The following RSF1 variants were observed in gnomAD, a reference collection of about 807,000 sequenced individuals.
RSF1 encodes HBV pX-associated protein 8.
A neutral mutation model predicts 145.2 loss-of-function variants in RSF1; 13 were observed. The ratio of observed to expected loss-of-function variants is 0.09; its 90% CI spans 0.06 to 0.14. The LOEUF (loss-of-function observed/expected upper bound fraction) is 0.14. RSF1 is among the 10% of genes least tolerant of loss of function. The pLI is 1.00. For missense variants in RSF1, 1,517 were observed against 1,718.2 expected (o/e 0.88, Z 2.07); for synonymous variants, 577 against 592.6 (o/e 0.97, Z 0.38).
chr11:77,746,745 T>G (rs929099746), intron 3 of RSF1, among the ~76,000 whole-genome samples: 1 of 152,174 alleles, frequency 6.6e-6, no homozygotes, highest in Non-Finnish European at 1.5e-5. Flanking sequence ...TATCCACAGT[T>G]TACAGTATAT....
chr11:77,781,356 T>C (rs1295969508), intron 1 of RSF1, among the ~76,000 whole-genome samples: 1 of 152,186 alleles, frequency 6.6e-6, no homozygotes, highest in East Asian at 1.9e-4. Flanking sequence ...ACCTCAGCCT[T>C]GCAAAATGTT....
rs939578930 is a variant in RSF1, at chr11:77,820,636, A to G, written c.79T>C (p.Cys27Arg). The change falls in exon 1 of 16, where the codon TGC becomes CGC. Residue 27 changes from cysteine (C) to arginine (R), a missense_variant. Cys to Arg is a radical substitution (Grantham distance 180). This residue lies in a region of RSF1 where 85 missense variants were observed against 91.8 expected (regional missense o/e 0.93). Transcript: ENST00000308488. ...GGCCCGTAGCGCTCCAAGAAGGAGC[A>G]GACTACGGCGAAGTTGGGGCACGAA... is the stretch of plus-strand genomic sequence containing the variant. ...PGSCPNFAVV[C>R]SFLERYGPLL... 5.1e-6 allele frequency: 8 copies of G among 1,565,610 alleles called. No individual in the cohort carries two copies. The highest frequency in any genetic ancestry group is 1.3e-5 in the African/African-American group (1 of 74,198).
the RSF1 span, among the ~76,000 whole-genome samples, chr11:77,856,948 A>T: frequency 2.0e-5 from 3 of 152,220 alleles, no homozygotes; most frequent in African/African-American, 7.2e-5. Context: ...GAAAGGACAG[A>T]CTGGTGATTT....
intron 5 of RSF1, among the ~76,000 whole-genome samples, chr11:77,703,964 T>C (rs749470610): frequency 6.6e-6 from 1 of 152,208 alleles, no homozygotes; most frequent in Non-Finnish European, 1.5e-5. Flanking sequence ...ATGAACACCT[T>C]GTTTAACGGT....
rs1246310742 is a variant in RSF1, at chr11:77,700,610, GAAGA to G, written c.2508+107_2508+110del. The G allele has an allele frequency of 6.9e-6, 5 of 721,390 alleles. No homozygotes were observed. In the African/African-American group the frequency reaches 7.2e-5, roughly 10 times the overall value. 44.7% of individuals were successfully genotyped at this position (721,390 alleles called of 1,614,324 possible). A position where few individuals can be genotyped will look rare whatever the true frequency, so the allele number is the denominator to read the frequency against. On this transcript the variant is annotated intron_variant, in intron 6 of 15. Coordinates refer to ENST00000308488, the MANE Select transcript of RSF1 (RefSeq NM_016578.4). ...GTCTGAAAAGGTATCTCAGACAGAG[GAAGA>G]AAGATACTTTGTCAGTTGTCTTTGA...
At chr11:77,745,978 T>C (rs920901510) in intron 3 of RSF1, among the ~76,000 whole-genome samples, 2 of 152,068 alleles carry the variant, frequency 1.3e-5, no homozygotes, top group Non-Finnish European at 2.9e-5. Context: ...AAATACATAG[T>C]ATACACACTA....
chr11:77,679,700 G>T (rs1430462538), intron 11 of RSF1, among the ~76,000 whole-genome samples: 1 of 150,860 alleles, frequency 6.6e-6, no homozygotes, highest in Non-Finnish European at 1.5e-5. Flanking sequence ...AAGAAAAAGA[G>T]TCCCAATAAT....
the RSF1 span, among the ~76,000 whole-genome samples, chr11:77,860,748 G>C: frequency 6.6e-6 from 1 of 152,180 alleles, no homozygotes. Context: ...AGAATTGAGA[G>C]TCAGGATGTA....
intron 15 of RSF1, among the ~76,000 whole-genome samples, chr11:77,671,634 ATTT>A (rs145812199): frequency 1.1e-4 from 14 of 122,348 alleles, no homozygotes; most frequent in Admixed American, 2.4e-4. Context: ...GGTTATATGG[ATTT>A]TTTTTTTTTT....
chr11:77,726,378 C>T (rs948397847), intron 4 of RSF1, among the ~76,000 whole-genome samples: 3 of 152,136 alleles, frequency 2.0e-5, no homozygotes, highest in Admixed American at 1.3e-4. Context: ...TCACGGCTCA[C>T]GGTAACCTCA....
At chr11:77,802,360 T>C (rs1487403320) in intron 1 of RSF1, among the ~76,000 whole-genome samples, 1 of 152,120 alleles carries the variant, frequency 6.6e-6, no homozygotes, top group Non-Finnish European at 1.5e-5. Context: ...AGTCTTTAAT[T>C]TGTGGGACTG....
chr11:77,789,644 C>A (rs544027027), intron 1 of RSF1, among the ~76,000 whole-genome samples: 95 of 152,336 alleles, frequency 6.2e-4, no homozygotes, highest in African/African-American at 2.2e-3. Context: ...CCACCCTCCA[C>A]AGTGGCAGGG....
intron 4 of RSF1, chr11:77,734,739 G>C: frequency 6.7e-7 from 1 of 1,492,392 alleles, no homozygotes; most frequent in East Asian, 2.3e-5. Flanking sequence ...CATTCAGCCC[G>C]CTCTCCCAGT....
At chr11:77,742,693 A>G (rs1038362369) in intron 3 of RSF1, among the ~76,000 whole-genome samples, 3 of 152,216 alleles carry the variant, frequency 2.0e-5, no homozygotes, top group Non-Finnish European at 4.4e-5. Flanking sequence ...TTTAAAATGC[A>G]TTACCCTGAT....
At chr11:77,820,891 C>A, upstream of RSF1, 1 of 652,530 alleles carries the variant, frequency 1.5e-6, no homozygotes, top group Non-Finnish European at 2.6e-6. Context: ...CCGGAGCAGT[C>A]GAGAACCGAG....
intron 1 of RSF1, among the ~76,000 whole-genome samples, chr11:77,803,711 G>C (rs1948649303): frequency 6.6e-6 from 1 of 152,068 alleles, no homozygotes; most frequent in Admixed American, 6.5e-5. Flanking sequence ...CCTGAAGGCG[G>C]AGGTTGCAGT....
chr11:77,792,906 C>G (rs148457508), intron 1 of RSF1, among the ~76,000 whole-genome samples: 337 of 152,100 alleles, frequency 2.2e-3, no homozygotes, highest in African/African-American at 7.3e-3. Context: ...AGTACTAAAC[C>G]TGGAAGTCAA....
rs1045928501 is a variant in RSF1, at chr11:77,734,961, G to A, written c.578+5770C>T. The A allele has an allele frequency of 6.3e-6, 10 of 1,596,642 alleles. No individual in the cohort carries two copies. In the African/African-American group the frequency reaches 6.7e-5, roughly 11 times the overall value. ...CACAGAGCTCTAGGTTGATCTGGCG[G>A]TTGATGGCGGCCTCTGAGTCCTGGT... is the stretch of plus-strand genomic sequence containing the variant. On this transcript the variant is annotated intron_variant, in intron 4 of 15. Transcript: ENST00000308488.
chr11:77,694,676 A>G (rs1960239516), intron 7 of RSF1, among the ~76,000 whole-genome samples: 1 of 152,240 alleles, frequency 6.6e-6, no homozygotes, highest in East Asian at 1.9e-4. Context: ...AGAAATTAAC[A>G]TCAATACTAT....
Sources: gnomAD v4.1 joint callset for allele counts (sites outside exome capture counted in the v4.1 genomes callset) on GRCh38, gnomAD v4.1.1 for gene constraint, gnomAD v4.1.1 regional missense constraint, MANE v1.5 for transcripts, NCBI Gene and HGNC (gene_info 2026-07-23, HGNC 2026-07-21) for gene names.